CDH12: variants seen among roughly 807,000 people sequenced by gnomAD.
CDH12 encodes cadherin-12.
CDH12 carries 41 observed loss-of-function variants against 74.1 expected under a neutral mutation model. The observed-to-expected ratio is 0.55, with a 90% CI of 0.43 to 0.72. The LOEUF (loss-of-function observed/expected upper bound fraction) is 0.72, where lower values mean the gene tolerates loss of function less well. CDH12 is among the 30% of genes least tolerant of loss of function. The pLI, the probability that CDH12 is intolerant of heterozygous loss-of-function variation, is 0.00. For synonymous variants in CDH12, 399 were observed against 355.0 expected (o/e 1.12, Z -1.39); for missense variants, 945 against 977.2 (o/e 0.97, Z 0.44).
intron 1 of CDH12, among the ~76,000 whole-genome samples, chr5:22,603,994 G>A (rs917317407): frequency 3.9e-5 from 6 of 152,158 alleles, no homozygotes; most frequent in Non-Finnish European, 8.8e-5. Flanking sequence ...GTCTGTAGTG[G>A]GCGACAGCCA....
chr5:22,546,121 T>G (rs1738315358), intron 1 of CDH12, among the ~76,000 whole-genome samples: 1 of 152,030 alleles, frequency 6.6e-6, no homozygotes, highest in Non-Finnish European at 1.5e-5. Context: ...ATTTTTTGCG[T>G]TTTTAGTAGA....
chr5:22,165,721 T>C (rs1445267333), intron 4 of CDH12, among the ~76,000 whole-genome samples: 1 of 152,138 alleles, frequency 6.6e-6, no homozygotes, highest in Non-Finnish European at 1.5e-5. Flanking sequence ...CAGCACAAGA[T>C]ACAGGTCATA....
chr5:21,917,118 A>G (rs191922256), intron 6 of CDH12, among the ~76,000 whole-genome samples: 5 of 152,146 alleles, frequency 3.3e-5, no homozygotes, highest in Admixed American at 2.0e-4. Context: ...TGGTTTAAGT[A>G]CTGAACTCTC....
At chr5:22,165,618 C>G (rs1748639958) in intron 4 of CDH12, among the ~76,000 whole-genome samples, 1 of 152,120 alleles carries the variant, frequency 6.6e-6, no homozygotes, top group Admixed American at 6.6e-5. Flanking sequence ...CACAGCAACT[C>G]CATCTTGAGT....
chr5:21,955,156 A>G (rs1756038377), intron 6 of CDH12, among the ~76,000 whole-genome samples: 1 of 151,860 alleles, frequency 6.6e-6, no homozygotes. Context: ...AAGCTCAGTT[A>G]TGTATTTCCA....
At chr5:22,659,144 T>C (rs1358874807) in intron 1 of CDH12, among the ~76,000 whole-genome samples, 1 of 152,148 alleles carries the variant, frequency 6.6e-6, no homozygotes, top group Non-Finnish European at 1.5e-5. Context: ...AAGAAACAGA[T>C]GTTTTCCATA....
chr5:21,961,326 TATTAGCC>T, intron 6 of CDH12, among the ~76,000 whole-genome samples: 1 of 152,278 alleles, frequency 6.6e-6, no homozygotes, highest in South Asian at 2.1e-4. Flanking sequence ...CTTTCTCTGG[TATTAGCC>T]AGCTACATCA....
rs552041290 is a variant in CDH12, at chr5:22,766,314, C to G, written c.-523+86744G>C. On this transcript the variant is annotated intron_variant, in intron 1 of 14. Transcript: ENST00000382254. ...CACAAAGACATGCATAAGAACTTTT[C>G]TCATAGCTTCATTTAGAGTTAGAAA... 2.0e-5 allele frequency among the ~76,000 whole-genome samples: 3 copies of G among 152,064 alleles called. No individual in the cohort carries two copies. In the South Asian group the frequency reaches 6.2e-4, roughly 32 times the overall value.
chr5:22,498,921 T>G (rs899341053), intron 2 of CDH12, among the ~76,000 whole-genome samples: 6 of 63,244 alleles, frequency 9.5e-5, no homozygotes, highest in Non-Finnish European at 2.0e-4. Context: ...TTTTTTTTTT[T>G]GTGACGTAGT....
At chr5:22,094,378 A>G (rs943380620) in intron 4 of CDH12, among the ~76,000 whole-genome samples, 2 of 152,226 alleles carry the variant, frequency 1.3e-5, no homozygotes, top group African/African-American at 4.8e-5. Flanking sequence ...GATTTGAATA[A>G]TGTCAATACA....
intron 1 of CDH12, among the ~76,000 whole-genome samples, chr5:22,698,715 ATATATATATATATATATATAGTGTGT>A (rs1216902929): frequency 0.23 from 8,171 of 35,358 alleles, 1,278 homozygotes; most frequent in East Asian, 0.36. Context: ...ATATATATAT[ATATATATATATATATATATAGTGTGT>A]GTGTGTGTGT....
At chr5:22,344,523 G>C (rs542168912) in intron 3 of CDH12, among the ~76,000 whole-genome samples, 1 of 152,018 alleles carries the variant, frequency 6.6e-6, no homozygotes. Context: ...AAAGAAGCAT[G>C]AGACTCATAT....
chr5:22,137,512 C>T (rs1008044508), intron 4 of CDH12, among the ~76,000 whole-genome samples: 6 of 151,900 alleles, frequency 3.9e-5, no homozygotes, highest in Non-Finnish European at 7.4e-5. Context: ...ATTGTAAGTT[C>T]CCCTTTAACA....
chr5:22,117,242 T>C (rs1309334991), intron 4 of CDH12, among the ~76,000 whole-genome samples: 1 of 150,134 alleles, frequency 6.7e-6, no homozygotes, highest in Non-Finnish European at 1.5e-5. Context: ...TTATTTCTAG[T>C]AGCTTTAAAG....
At chr5:22,094,069 C>T (rs913799525) in intron 4 of CDH12, among the ~76,000 whole-genome samples, 3 of 152,150 alleles carry the variant, frequency 2.0e-5, no homozygotes, top group Admixed American at 6.5e-5. Flanking sequence ...TTATAGAAAC[C>T]ATCTGGGCTG....
At chr5:22,349,374 T>A (rs1449707408) in intron 3 of CDH12, among the ~76,000 whole-genome samples, 1 of 152,174 alleles carries the variant, frequency 6.6e-6, no homozygotes, top group Non-Finnish European at 1.5e-5. Context: ...TACCTAAATT[T>A]TTATCAACCT....
At chr5:22,722,306 T>C (rs1313166999) in intron 1 of CDH12, among the ~76,000 whole-genome samples, 1 of 152,238 alleles carries the variant, frequency 6.6e-6, no homozygotes, top group African/African-American at 2.4e-5. Flanking sequence ...TCAGAGTATG[T>C]GGTGGTGTTT....
intron 3 of CDH12, among the ~76,000 whole-genome samples, chr5:22,252,878 T>A (rs1050923014): frequency 2.6e-5 from 4 of 151,992 alleles, no homozygotes; most frequent in African/African-American, 9.7e-5. Context: ...CATGCTCTAC[T>A]GAAAACATGT....
rs765725258 is a variant in CDH12, at chr5:21,975,123, T to C, written c.494A>G (p.Tyr165Cys). The change falls in exon 6 of 15, where the codon TAT becomes TGT. Residue 165 changes from tyrosine (Y) to cysteine (C), a missense_variant. By Grantham distance (194) the Tyr-to-Cys change is radical. This residue lies in a region of CDH12 where 791 missense variants were observed against 792.8 expected (regional missense o/e 1.00). Coordinates refer to ENST00000382254, the MANE Select transcript of CDH12 (RefSeq NM_004061.5). ...DNEPKFLDGP[Y>C]VATVPEMSPV... ...AGACATTTCTGGAACAGTAGCAACATAAGGTCCATCCAAAAACTTTGGCTC... is the reference window on the plus strand; with the variant it reads ...AGACATTTCTGGAACAGTAGCAACACAAGGTCCATCCAAAAACTTTGGCTC... 6.3e-7 allele frequency: 1 copy of C among 1,597,170 alleles called. No individual in the cohort carries two copies. The highest frequency in any genetic ancestry group is 2.2e-5 in the East Asian group (1 of 44,854).
Sources: allele counts gnomAD v4.1 joint callset (sites outside exome capture counted in the v4.1 genomes callset), GRCh38; gene constraint gnomAD v4.1.1; regional missense constraint gnomAD v4.1.1; transcripts MANE v1.5; gene names NCBI Gene and HGNC (gene_info 2026-07-23, HGNC 2026-07-21).